DNAAF9: variants seen among roughly 807,000 people sequenced by gnomAD.
DNAAF9 encodes shulin.
In DNAAF9, 90 loss-of-function variants were observed where a neutral mutation model predicts 167.0. The observed-to-expected ratio is 0.54, with a 90% CI of 0.45 to 0.64. The LOEUF (loss-of-function observed/expected upper bound fraction) is 0.64, where lower values mean the gene tolerates loss of function less well. DNAAF9 is among the 30% of genes least tolerant of loss of function. The probability of loss-of-function intolerance (pLI) is 0.00; values close to 1 mark genes in which losing one functional copy is unlikely to be tolerated. For missense variants in DNAAF9, 1,315 were observed against 1,442.2 expected (o/e 0.91, Z 1.43); for synonymous variants, 491 against 508.8 (o/e 0.96, Z 0.47).
At position 3,375,158 on chromosome 20, in the gene DNAAF9, C is replaced by G. The variant is rs762925253; in HGVS notation, c.409-32G>C. The stretch of plus-strand genomic sequence containing the variant: ...AGACAAATCAAAAGAAAAATAAGCT[C>G]TGATGAGATATCACACAAATTCCCA... On this transcript the variant is annotated intron_variant, in intron 4 of 36. Transcript: ENST00000252032. 11 of 1,234,336 alleles carry G rather than the reference C, an allele frequency of 8.9e-6. 1 individual carries two copies. In the East Asian group the frequency reaches 2.5e-4, roughly 29 times the overall value. 76.5% of individuals were successfully genotyped at this position (1,234,336 alleles called of 1,614,324 possible). A position where few individuals can be genotyped will look rare whatever the true frequency, so the allele number is the denominator to read the frequency against.
At chr20:3,296,373 G>A (rs1404878364) in intron 23 of DNAAF9, 1 of 318,938 alleles carries the variant, frequency 3.1e-6, no homozygotes, top group Non-Finnish European at 6.1e-6. Flanking sequence ...CTGGCAGTGG[G>A]GACATTTTTC....
chr20:3,384,904 C>G (rs1348132357), intron 1 of DNAAF9, among the ~76,000 whole-genome samples: 1 of 151,942 alleles, frequency 6.6e-6, no homozygotes, highest in Non-Finnish European at 1.5e-5. Flanking sequence ...AAAGTCAACA[C>G]CCATTCATAA....
At chr20:3,399,900 T>C (rs2083960338) in intron 1 of DNAAF9, among the ~76,000 whole-genome samples, 1 of 152,208 alleles carries the variant, frequency 6.6e-6, no homozygotes, top group Non-Finnish European at 1.5e-5. Context: ...CCAAACTTAG[T>C]TCCTGATAGG....
chr20:3,259,870 A>T, intron 32 of DNAAF9, 52 bp downstream of exon 32: 1 of 1,076,068 alleles, frequency 9.3e-7, no homozygotes, highest in Non-Finnish European at 1.4e-6. Flanking sequence ...AGGCAGAATT[A>T]ACTCTGGGAC....
At chr20:3,392,621 C>T (rs1178010676) in intron 1 of DNAAF9, among the ~76,000 whole-genome samples, 1 of 152,184 alleles carries the variant, frequency 6.6e-6, no homozygotes, top group African/African-American at 2.4e-5. Context: ...CTCTGTTCTT[C>T]CCATCTTATA....
intron 6 of DNAAF9, among the ~76,000 whole-genome samples, chr20:3,372,914 T>C (rs922290685): frequency 1.3e-5 from 2 of 152,220 alleles, no homozygotes; most frequent in African/African-American, 4.8e-5. Flanking sequence ...TAAAAATAAA[T>C]ATTACCATTA....
chr20:3,272,617 A>G (rs1488058657), intron 29 of DNAAF9, among the ~76,000 whole-genome samples: 1 of 152,088 alleles, frequency 6.6e-6, no homozygotes, highest in South Asian at 2.1e-4. Flanking sequence ...ATAGCTTTAA[A>G]CTTTATCAAT....
At chr20:3,297,433 C>A (rs1181217521) in intron 22 of DNAAF9, among the ~76,000 whole-genome samples, 1 of 152,194 alleles carries the variant, frequency 6.6e-6, no homozygotes, top group African/African-American at 2.4e-5. Flanking sequence ...CTCTTGCATC[C>A]TCTATGGTCT....
In DNAAF9 at chr20:3,318,339, A is replaced by G. The variant is rs868219895; in HGVS notation, c.1418T>C (p.Val473Ala). Residue 473 changes from valine to alanine, a missense_variant, in exon 17 of 37, where the codon GTG (valine) becomes GCG (alanine). Coordinates refer to ENST00000252032, the MANE Select transcript of DNAAF9 (RefSeq NM_001009984.3). ...AGTCAAAAATGATTCAGAGAAAACCACAGATCCTAAACAACCATTGCCTCC... is the reference window on the plus strand; with the variant it reads ...AGTCAAAAATGATTCAGAGAAAACCGCAGATCCTAAACAACCATTGCCTCC... Reference protein sequence around the residue: ...LLGGNGCLGSVVFSESFLTSQ... With the variant: ...LLGGNGCLGSAVFSESFLTSQ... 2 of 1,606,308 alleles carry G rather than the reference A, an allele frequency of 1.2e-6. No individual in the cohort carries two copies. Among genetic ancestry groups the G allele is most frequent in the African/African-American group, 1.3e-5 (1 of 74,710 alleles).
intron 22 of DNAAF9, 59 bp downstream of exon 22, chr20:3,297,970 T>G: frequency 7.2e-7 from 1 of 1,385,952 alleles, no homozygotes; most frequent in Non-Finnish European, 1.0e-6. Context: ...CCTTACCATT[T>G]AAATTGCTAG....
rs756202482 is a variant in DNAAF9, at chr20:3,315,723, A to G, written c.1590+12T>C. On this transcript the variant is annotated intron_variant, in intron 19 of 36. Transcript: ENST00000252032. The surrounding 1 kb of genome is among the most constrained non-coding windows in gnomAD (Gnocchi z 4.1). ...ATATAATGTTCACACTGAGAATAAG[A>G]AGGCTGCTTACCCTCACTGCTTGCT... 1.9e-6 allele frequency: 3 copies of G among 1,601,878 alleles called. No individual in the cohort carries two copies. The highest frequency in any genetic ancestry group is 1.3e-5 in the African/African-American group (1 of 74,690).
chr20:3,335,792 A>G (rs899221120), intron 10 of DNAAF9, among the ~76,000 whole-genome samples: 3 of 132,958 alleles, frequency 2.3e-5, no homozygotes, highest in African/African-American at 2.9e-5. Context: ...TCTTCCCCCT[A>G]TGGGTAAGGT....
chr20:3,333,594 G>A (rs2069880630), intron 10 of DNAAF9, among the ~76,000 whole-genome samples: 1 of 152,104 alleles, frequency 6.6e-6, no homozygotes, highest in African/African-American at 2.4e-5. Context: ...GACAATGAAT[G>A]AAAACTCATG....
intron 20 of DNAAF9, chr20:3,307,144 A>G: frequency 1.0e-6 from 1 of 985,062 alleles, no homozygotes; most frequent in Non-Finnish European, 1.2e-6. Flanking sequence ...GGAAAGGATG[A>G]GCGAGGTCAT....
intron 29 of DNAAF9, among the ~76,000 whole-genome samples, chr20:3,278,119 A>G (rs1296002245): frequency 6.6e-6 from 1 of 152,182 alleles, no homozygotes; most frequent in Non-Finnish European, 1.5e-5. Context: ...ATATGACTAG[A>G]AAGTGCTGCT....
intron 18 of DNAAF9, 61 bp downstream of exon 18, chr20:3,316,662 C>A: frequency 1.6e-6 from 2 of 1,220,808 alleles, no homozygotes; most frequent in African/African-American, 1.5e-5. Flanking sequence ...GGCTCTTCCT[C>A]AAGTGTTCAC....
chr20:3,262,300 G>A (rs917550521), intron 31 of DNAAF9, among the ~76,000 whole-genome samples: 1 of 150,272 alleles, frequency 6.7e-6, no homozygotes, highest in African/African-American at 2.5e-5. Flanking sequence ...GCCCAGGCTG[G>A]AGTGCAGTGG....
chr20:3,303,116 C>T (rs1012331241), intron 21 of DNAAF9, among the ~76,000 whole-genome samples: 3 of 152,030 alleles, frequency 2.0e-5, no homozygotes, highest in Non-Finnish European at 4.4e-5. Context: ...GTGGCAGGCG[C>T]CTGTAGTCTC....
At chr20:3,320,897 C>T (rs987970694) in intron 16 of DNAAF9, among the ~76,000 whole-genome samples, 1 of 152,180 alleles carries the variant, frequency 6.6e-6, no homozygotes, top group African/African-American at 2.4e-5. Flanking sequence ...ACAGAACAGA[C>T]TCAAGATATA....
Sources: gnomAD v4.1 joint callset for allele counts (sites outside exome capture counted in the v4.1 genomes callset) on GRCh38, gnomAD v4.1.1 for gene constraint, Gnocchi (gnomAD v3.1) non-coding constraint, MANE v1.5 for transcripts, NCBI Gene and HGNC (gene_info 2026-07-23, HGNC 2026-07-21) for gene names.